PRKN: variants seen among roughly 807,000 people sequenced by gnomAD.
The protein encoded by PRKN is E3 ubiquitin-protein ligase parkin.
Under a neutral mutation model 59.5 loss-of-function variants are expected in PRKN, and 56 were observed. The ratio of observed to expected loss-of-function variants is 0.94; its 90% CI spans 0.76 to 1.18. The LOEUF (loss-of-function observed/expected upper bound fraction) is 1.18, where lower values mean the gene tolerates loss of function less well. Ranked by LOEUF, PRKN falls within the 50% of genes most tolerant of loss-of-function variation. The probability of loss-of-function intolerance (pLI) is 0.00; values close to 1 mark genes in which losing one functional copy is unlikely to be tolerated. For missense variants in PRKN, 657 were observed against 596.4 expected (o/e 1.10, Z -1.06); for synonymous variants, 250 against 222.1 (o/e 1.13, Z -1.12).
At chr6:162,561,361 G>A (rs1434412897) in intron 1 of PRKN, among the ~76,000 whole-genome samples, 1 of 150,768 alleles carries the variant, frequency 6.6e-6, no homozygotes, top group African/African-American at 2.4e-5. Flanking sequence ...TGACTATCTA[G>A]TTTTTAAAAG....
intron 7 of PRKN, among the ~76,000 whole-genome samples, chr6:161,755,702 AT>A (rs1562658191): frequency 6.6e-6 from 1 of 152,160 alleles, no homozygotes; most frequent in African/African-American, 2.4e-5. Flanking sequence ...AATGTGGATA[AT>A]TCAACGTGAA....
intron 1 of PRKN, among the ~76,000 whole-genome samples, chr6:162,631,837 C>A (rs1267570048): frequency 1.3e-5 from 2 of 152,016 alleles, no homozygotes; most frequent in African/African-American, 2.4e-5. Context: ...TACATTTAAT[C>A]TTTGGTCCAT....
At chr6:162,091,233 T>A (rs1431079306) in intron 4 of PRKN, among the ~76,000 whole-genome samples, 1 of 152,170 alleles carries the variant, frequency 6.6e-6, no homozygotes, top group Admixed American at 6.6e-5. Context: ...AAATGTGCTA[T>A]CTGATTAAAG....
At chr6:161,516,605 A>G (rs1411629579) in intron 9 of PRKN, among the ~76,000 whole-genome samples, 2 of 151,384 alleles carry the variant, frequency 1.3e-5, no homozygotes, top group Non-Finnish European at 2.9e-5. Context: ...AGACTGGTGG[A>G]TCACCTGAGA....
At chr6:161,622,550 T>G (rs1782946019) in intron 7 of PRKN, among the ~76,000 whole-genome samples, 1 of 152,168 alleles carries the variant, frequency 6.6e-6, no homozygotes, top group African/African-American at 2.4e-5. Flanking sequence ...CCACACTCTA[T>G]GCAGCCTTCT....
intron 2 of PRKN, among the ~76,000 whole-genome samples, chr6:162,281,791 C>A (rs1275184165): frequency 6.6e-6 from 1 of 152,072 alleles, no homozygotes; most frequent in Non-Finnish European, 1.5e-5. Context: ...ATCCTAAAAT[C>A]CAGTTATGCA....
chr6:161,794,446 C>G (rs1790757864), intron 6 of PRKN, among the ~76,000 whole-genome samples: 1 of 152,238 alleles, frequency 6.6e-6, no homozygotes, highest in Admixed American at 6.5e-5. Context: ...ATCCCCTCTT[C>G]CCTCCCTGGA....
intron 6 of PRKN, among the ~76,000 whole-genome samples, chr6:161,893,920 A>T (rs1301419046): frequency 2.0e-5 from 3 of 152,198 alleles, no homozygotes; most frequent in Non-Finnish European, 4.4e-5. Flanking sequence ...ACTGCCAAAC[A>T]TTTTGGCACA....
rs114714167 is a variant in PRKN, at chr6:161,372,611, G to A, written c.1168-12406C>T. 2.1e-3 allele frequency among the ~76,000 whole-genome samples: 317 copies of A among 152,242 alleles called. 1 individual carries two copies. Among genetic ancestry groups the A allele is most frequent in the African/African-American group, 7.1e-3 (294 of 41,524 alleles). On this transcript the variant is annotated intron_variant, in intron 10 of 11. Coordinates refer to ENST00000366898, the MANE Select transcript of PRKN (RefSeq NM_004562.3). This position sits in a 1 kb window ranked among gnomAD's most constrained non-coding sequence, Gnocchi z 4.2. ...TGTGGAGCTTCCCCATTAGCAGAAC[G>A]GCGGCTCTCAGACCAGCGGCACCGG...
chr6:161,370,096 G>A (rs1785379089), intron 10 of PRKN: 2 of 341,278 alleles, frequency 5.9e-6, no homozygotes, highest in African/African-American at 2.1e-5. Context: ...TGTACACATG[G>A]AAAAGACCAC....
At position 162,056,370 on chromosome 6, in the gene PRKN, C is replaced by T. The variant is rs529373168; in HGVS notation, c.535-2196G>A. 7.2e-5 allele frequency among the ~76,000 whole-genome samples: 11 copies of T among 151,818 alleles called. No homozygotes were observed. Among genetic ancestry groups the T allele is most frequent in the Non-Finnish European group, 1.3e-4 (9 of 67,950 alleles). ...CAGGCATACACATACTACATACACT[C>T]ACACACTCATGCATGCACACACGCA... On this transcript the variant is annotated intron_variant, in intron 4 of 11. Coordinates refer to ENST00000366898, the MANE Select transcript of PRKN (RefSeq NM_004562.3). This position sits in a 1 kb window ranked among gnomAD's most constrained non-coding sequence, Gnocchi z 4.9.
chr6:161,860,307 A>G (rs7746201), intron 6 of PRKN, among the ~76,000 whole-genome samples: 76,223 of 151,976 alleles, frequency 0.5, 19,346 homozygotes, highest in East Asian at 0.74. Flanking sequence ...ACCTCCATTC[A>G]ACAGACCCTT....
intron 3 of PRKN, among the ~76,000 whole-genome samples, chr6:162,217,266 T>C (rs1164339863): frequency 1.3e-5 from 2 of 152,212 alleles, no homozygotes; most frequent in East Asian, 1.9e-4. Context: ...CTACAGCCTC[T>C]GTGTGGGGGT....
chr6:162,366,429 T>G (rs1189213485), intron 2 of PRKN, among the ~76,000 whole-genome samples: 3 of 152,188 alleles, frequency 2.0e-5, no homozygotes, highest in South Asian at 2.1e-4. Context: ...GTATTAATTG[T>G]CTTTTGCTTA....
chr6:162,010,146 G>A (rs1782434178), intron 5 of PRKN, among the ~76,000 whole-genome samples: 1 of 146,712 alleles, frequency 6.8e-6, no homozygotes, highest in African/African-American at 2.5e-5. Flanking sequence ...TCTGGCTCGT[G>A]TTAGCACAGG....
intron 1 of PRKN, among the ~76,000 whole-genome samples, chr6:162,681,383 T>A (rs1212270027): frequency 2.0e-5 from 3 of 152,178 alleles, no homozygotes; most frequent in Non-Finnish European, 4.4e-5. Context: ...GAATAGAGTC[T>A]GGAGGCAGGG....
chr6:161,754,286 G>C lies in PRKN; in HGVS notation c.871+31486C>G, dbSNP rs186155865. On this transcript the variant is annotated intron_variant, in intron 7 of 11. Transcript: ENST00000366898. ...TGCTGATCTCAAAGAGAAAAGTGTGGGCTGAGAGGACACCAGCTTGACTCC... is the reference window on the plus strand; with the variant it reads ...TGCTGATCTCAAAGAGAAAAGTGTGCGCTGAGAGGACACCAGCTTGACTCC... Among the ~76,000 whole-genome samples the C allele has an allele frequency of 2.6e-5, 4 of 152,118 alleles. No individual in the cohort carries two copies. The East Asian group carries it at 7.8e-4, about 30-fold the overall frequency.
At chr6:161,628,867 A>G (rs541988501) in intron 7 of PRKN, among the ~76,000 whole-genome samples, 1 of 152,356 alleles carries the variant, frequency 6.6e-6, no homozygotes, top group Admixed American at 6.5e-5. Context: ...TGTACCATGC[A>G]TGCAGATAAC....
intron 2 of PRKN, among the ~76,000 whole-genome samples, chr6:162,329,831 T>C (rs1442213053): frequency 5.3e-5 from 8 of 152,338 alleles, no homozygotes; most frequent in Middle Eastern, 3.4e-3. Flanking sequence ...TGGAAATCTA[T>C]GTCAATATAG....
Sources: allele counts gnomAD v4.1 joint callset (sites outside exome capture counted in the v4.1 genomes callset), GRCh38; gene constraint gnomAD v4.1.1; non-coding constraint Gnocchi (gnomAD v3.1); transcripts MANE v1.5; gene names NCBI Gene and HGNC (gene_info 2026-07-23, HGNC 2026-07-21).